Variants in NBAS observed in about 807,000 individuals in gnomAD.
NBAS encodes NBAS subunit of NRZ tethering complex, also known as NAG/BC035112 fusion.
A neutral mutation model predicts 302.5 loss-of-function variants in NBAS; 219 were observed. The ratio of observed to expected loss-of-function variants is 0.72; its 90% CI spans 0.65 to 0.81. The LOEUF (loss-of-function observed/expected upper bound fraction) is 0.81, where lower values mean the gene tolerates loss of function less well. Among genes scored for constraint, NBAS ranks in the 30% least tolerant of loss-of-function variants. The pLI is 0.00. For synonymous variants in NBAS, 1,118 were observed against 1,021.6 expected, an observed-to-expected ratio of 1.09 and a Z score of -1.80; for missense variants, 2,932 against 2,841.6, an observed-to-expected ratio of 1.03 and a Z score of -0.72.
chr2:15,084,337 A>G, the NBAS span, among the ~76,000 whole-genome samples: 1 of 152,242 alleles, frequency 6.6e-6, no homozygotes, highest in Non-Finnish European at 1.5e-5. Flanking sequence ...TGCTGGTATT[A>G]CAGGCGTAAG....
the NBAS span, among the ~76,000 whole-genome samples, chr2:14,816,988 T>A: frequency 2.6e-5 from 4 of 152,160 alleles, no homozygotes; most frequent in Non-Finnish European, 5.9e-5. Flanking sequence ...CTGGCAGGAT[T>A]TCATAAAGTA....
intron 21 of NBAS, among the ~76,000 whole-genome samples, chr2:15,452,164 A>AATC (rs763692698): frequency 4.6e-5 from 7 of 152,222 alleles, no homozygotes; most frequent in Non-Finnish European, 1.0e-4. Flanking sequence ...TTTACAAGAT[A>AATC]GAGTTCTAGA....
chr2:15,461,716 T>C lies in NBAS; in HGVS notation c.2173A>G (p.Ile725Val). The change falls in exon 20 of 52, where the codon ATT (isoleucine) becomes GTT (valine). Residue 725 changes from isoleucine (I) to valine (V), a missense_variant. Transcript: ENST00000281513. The stretch of plus-strand genomic sequence containing the variant: ...GCATAAGTTCTTGCTGAGAGAACAA[T>C]ATTCTGATTTCTGAATTTCTTAAAG... Reference protein sequence around the residue: ...EFFKKFRNQNIVLSARTYAQE... With the variant: ...EFFKKFRNQNVVLSARTYAQE... 6.2e-7 allele frequency: 1 copy of C among 1,603,798 alleles called. No homozygotes were observed. Among genetic ancestry groups the C allele is most frequent in the Non-Finnish European group, 8.5e-7 (1 of 1,171,800 alleles).
At chr2:14,961,679 T>C in the NBAS span, among the ~76,000 whole-genome samples, 142 of 152,386 alleles carry the variant, frequency 9.3e-4, no homozygotes, top group Admixed American at 2.4e-3. Flanking sequence ...TTCATTCTTA[T>C]AGTAAACCTC....
At chr2:15,511,629 T>C (rs1275623832) in intron 9 of NBAS, among the ~76,000 whole-genome samples, 1 of 152,044 alleles carries the variant, frequency 6.6e-6, no homozygotes. Flanking sequence ...CAACTGAATA[T>C]AAAAAAACTG....
the NBAS span, among the ~76,000 whole-genome samples, chr2:15,117,886 C>T: frequency 6.6e-6 from 1 of 152,134 alleles, no homozygotes; most frequent in Non-Finnish European, 1.5e-5. Context: ...CTCAAAAAGA[C>T]AGAATACACA....
the NBAS span, among the ~76,000 whole-genome samples, chr2:14,870,341 T>C: frequency 0.015 from 2,282 of 152,190 alleles, 64 homozygotes; most frequent in African/African-American, 0.053. Flanking sequence ...TTTGGCTGAG[T>C]GTTGATCCAG....
chr2:14,962,739 G>A, the NBAS span, among the ~76,000 whole-genome samples: 6 of 152,030 alleles, frequency 3.9e-5, no homozygotes, highest in African/African-American at 9.7e-5. Flanking sequence ...AGCCATTGAC[G>A]CTCCACCTCT....
the NBAS span, among the ~76,000 whole-genome samples, chr2:15,007,288 A>G: frequency 6.6e-6 from 1 of 152,210 alleles, no homozygotes; most frequent in Non-Finnish European, 1.5e-5. Flanking sequence ...CCACTTAGAA[A>G]CCAGCAGTGG....
intron 24 of NBAS, among the ~76,000 whole-genome samples, chr2:15,417,120 C>T (rs367594530): frequency 9.7e-4 from 147 of 152,240 alleles, no homozygotes; most frequent in African/African-American, 3.4e-3. Flanking sequence ...ACATACTAAC[C>T]CTGAAGCCAA....
At chr2:15,304,481 G>C (rs187818493) in intron 40 of NBAS, among the ~76,000 whole-genome samples, 1 of 152,320 alleles carries the variant, frequency 6.6e-6, no homozygotes, top group Non-Finnish European at 1.5e-5. Context: ...ACCCGAAAAT[G>C]TGAAAGCAAC....
the NBAS span, among the ~76,000 whole-genome samples, chr2:15,025,530 T>C: frequency 3.9e-5 from 6 of 152,348 alleles, no homozygotes; most frequent in East Asian, 7.7e-4. Flanking sequence ...AGGAATAGCA[T>C]TGAATCTGTA....
the NBAS span, among the ~76,000 whole-genome samples, chr2:14,789,124 G>T: frequency 6.6e-6 from 1 of 152,206 alleles, no homozygotes; most frequent in African/African-American, 2.4e-5. Flanking sequence ...GTGGGCATAG[G>T]ACCCTCTGAG....
chr2:15,252,959 A>G (rs1343240252), intron 44 of NBAS, among the ~76,000 whole-genome samples: 8 of 152,238 alleles, frequency 5.3e-5, no homozygotes, highest in Non-Finnish European at 1.0e-4. Context: ...TGTTTTAGAA[A>G]GGCAAGTCTT....
chr2:15,029,183 GATTTTAAAATAT>G, the NBAS span, among the ~76,000 whole-genome samples: 2 of 152,144 alleles, frequency 1.3e-5, no homozygotes, highest in Admixed American at 6.5e-5. Context: ...AAAAATTGTT[GATTTTAAAATAT>G]AGCTTTTAAA....
intron 6 of NBAS, among the ~76,000 whole-genome samples, chr2:15,547,540 A>G (rs757154909): frequency 3.3e-5 from 5 of 152,262 alleles, no homozygotes; most frequent in Non-Finnish European, 7.3e-5. Context: ...TATAATTTGT[A>G]TAAAATACAG....
intron 6 of NBAS, among the ~76,000 whole-genome samples, chr2:15,546,393 A>C (rs1286736501): frequency 4.6e-5 from 7 of 152,214 alleles, no homozygotes; most frequent in Non-Finnish European, 7.3e-5. Context: ...TAATCTGAGG[A>C]TCCTGAATCA....
chr2:15,525,484 A>G (rs935544185), intron 9 of NBAS, among the ~76,000 whole-genome samples: 2 of 152,204 alleles, frequency 1.3e-5, no homozygotes, highest in African/African-American at 4.8e-5. Context: ...CACTCTATTA[A>G]AAAATATTTT....
the NBAS span, among the ~76,000 whole-genome samples, chr2:15,034,103 A>C: frequency 6.7e-6 from 1 of 148,242 alleles, no homozygotes; most frequent in East Asian, 2.0e-4. Flanking sequence ...GAGGAGGAGA[A>C]GGAGAAGAAG....
Sources: gnomAD v4.1 joint callset for allele counts (sites outside exome capture counted in the v4.1 genomes callset) on GRCh38, gnomAD v4.1.1 for gene constraint, MANE v1.5 for transcripts, NCBI Gene and HGNC (gene_info 2026-07-23, HGNC 2026-07-21) for gene names.